SH3BGRL3: variants seen among roughly 807,000 people sequenced by gnomAD.
The protein encoded by SH3BGRL3 is SH3 domain-binding glutamic acid-rich-like protein 3.
Under a neutral mutation model 11.9 loss-of-function variants are expected in SH3BGRL3, and 8 were observed. That is an observed-to-expected ratio of 0.67 (90% CI 0.40 to 1.22). The LOEUF (loss-of-function observed/expected upper bound fraction) is 1.22, where lower values mean the gene tolerates loss of function less well. Among genes scored for constraint, SH3BGRL3 ranks in the 50% most tolerant of loss-of-function variants. SH3BGRL3 has a pLI of 0.01. For synonymous variants in SH3BGRL3, 55 were observed against 52.3 expected (o/e 1.05, Z -0.22); for missense variants, 119 against 120.1 (o/e 0.99, Z 0.04).
chr1:26,280,565 G>A (rs1570066458), intron 1 of SH3BGRL3, among the ~76,000 whole-genome samples, 200 bp from the exon 2 acceptor site: 1 of 146,454 alleles, frequency 6.8e-6, no homozygotes, highest in African/African-American at 2.6e-5. Context: ...CCTCCCCCGT[G>A]GCTGATAATC....
intron 2 of SH3BGRL3, 22 bp downstream of exon 2, chr1:26,280,954 GGT>G: frequency 6.3e-7 from 1 of 1,598,570 alleles, no homozygotes; most frequent in Non-Finnish European, 8.6e-7. Flanking sequence ...GGGACGGGGG[GGT>G]GGGGGGAGTG....
In SH3BGRL3 at chr1:26,280,857, G is replaced by A; in HGVS notation, c.141G>A (p.Arg47=). 2.5e-6 allele frequency: 4 copies of A among 1,613,852 alleles called. No individual in the cohort carries two copies. The highest frequency in any genetic ancestry group is 3.4e-6 in the Non-Finnish European group (4 of 1,179,942). Residue 47 remains arginine (R), a synonymous_variant, in exon 2 of 3, where the codon AGG becomes AGA. Transcript: ENST00000270792. The stretch of plus-strand genomic sequence containing the variant: ...ACATCTCCCAGGACAACGCCCTGAG[G>A]GATGAGATGCGAGCCTTGGCAGGCA... ...LVDISQDNAL[R]DEMRALAGNP...
rs528381922 is a variant in SH3BGRL3, at chr1:26,281,026, C to G, written c.217-32C>G. The G allele has an allele frequency of 1.9e-6, 3 of 1,612,474 alleles. No individual in the cohort carries two copies. The East Asian group carries it at 6.7e-5, about 36-fold the overall frequency. The stretch of plus-strand genomic sequence containing the variant: ...ACAAAGCACTTGGGCCCCCTGCATT[C>G]AGGTGACCACCCCTCGCCTCCCCTT... On this transcript the variant is annotated intron_variant, in intron 2 of 2. Coordinates refer to ENST00000270792, the MANE Select transcript of SH3BGRL3 (RefSeq NM_031286.4).
chr1:26,280,952 G>A lies in SH3BGRL3; in HGVS notation c.216+20G>A. ...TGTGGGGTATGGGCTGGGGGACGGGGGGGTGGGGGGAGTGTTGGAAGAGGA... is the reference window on the plus strand; with the variant it reads ...TGTGGGGTATGGGCTGGGGGACGGGAGGGTGGGGGGAGTGTTGGAAGAGGA... On this transcript the variant is annotated intron_variant, in intron 2 of 2. Transcript: ENST00000270792. 1 of 1,598,486 alleles carries A rather than the reference G, an allele frequency of 6.3e-7. No homozygotes were observed. Among genetic ancestry groups the A allele is most frequent in the Non-Finnish European group, 8.6e-7 (1 of 1,168,188 alleles).
chr1:26,280,741 C>A lies in SH3BGRL3; in HGVS notation c.49-24C>A, dbSNP rs370757450. 14 of 1,612,528 alleles carry A rather than the reference C, an allele frequency of 8.7e-6. No individual in the cohort carries two copies. The African/African-American group carries it at 1.5e-4, about 17-fold the overall frequency. On this transcript the variant is annotated intron_variant, in intron 1 of 2. Transcript: ENST00000270792. ...ATAAATCCTCCAGCCTATCCACTAA[C>A]CCCTACCCACCCTCTGTCCCCAGAT...
In SH3BGRL3 at chr1:26,280,242, G is replaced by A. The variant is rs7521736; in HGVS notation, c.48+39G>A. ...CGGACTGGCGCTGGGGGAAAGCGCA[G>A]GGCTGTATCCCGGTGCTTTGGACCC... On this transcript the variant is annotated intron_variant, in intron 1 of 2. Coordinates refer to ENST00000270792, the MANE Select transcript of SH3BGRL3 (RefSeq NM_031286.4). 257 of 1,478,954 alleles carry A rather than the reference G, an allele frequency of 1.7e-4. 5 individuals are homozygous for A. In the South Asian group the frequency reaches 1.9e-3, roughly 11 times the overall value. The allele number at this position is 1,478,954 out of a possible 1,614,324, so 91.6% of individuals were successfully genotyped here. A position where few individuals can be genotyped will look rare whatever the true frequency, so the allele number is the denominator to read the frequency against.
In SH3BGRL3 at chr1:26,280,182, G is replaced by C; in HGVS notation, c.27G>C (p.Thr9=). The part of the protein sequence containing the change: MSGLRVYS[T]SVTGSREIKS... The stretch of plus-strand genomic sequence containing the variant: ...TGAGCGGCCTGCGCGTCTACAGCAC[G>C]TCGGTCACCGGCTCCCGCGAAGTAA... Residue 9 remains threonine, a synonymous_variant, in exon 1 of 3, where the codon ACG becomes ACC. Coordinates refer to ENST00000270792, the MANE Select transcript of SH3BGRL3 (RefSeq NM_031286.4). 1 of 1,557,020 alleles carries C rather than the reference G, an allele frequency of 6.4e-7. No individual in the cohort carries two copies. Among genetic ancestry groups the C allele is most frequent in the Non-Finnish European group, 8.7e-7 (1 of 1,154,776 alleles).
In SH3BGRL3 at chr1:26,280,866, G is replaced by T. The variant is rs757440324; in HGVS notation, c.150G>T (p.Met50Ile). The T allele has an allele frequency of 1.9e-6, 3 of 1,613,862 alleles. No individual in the cohort carries two copies. The East Asian group carries it at 6.7e-5, about 36-fold the overall frequency. ...ISQDNALRDE[M>I]RALAGNPKAT... ...AGGACAACGCCCTGAGGGATGAGAT[G>T]CGAGCCTTGGCAGGCAACCCCAAGG... is the stretch of plus-strand genomic sequence containing the variant. The change falls in exon 2 of 3, where the codon ATG (methionine) becomes ATT (isoleucine). Residue 50 changes from methionine to isoleucine, a missense_variant. Met to Ile is a conservative substitution (Grantham distance 10). Coordinates refer to ENST00000270792, the MANE Select transcript of SH3BGRL3 (RefSeq NM_031286.4).
At position 26,280,111 on chromosome 1, in the gene SH3BGRL3, G is replaced by A. The variant is rs2072945824; in HGVS notation, c.-45G>A. 6.5e-7 allele frequency: 1 copy of A among 1,547,114 alleles called. No individual in the cohort carries two copies. The highest frequency in any genetic ancestry group is 1.4e-5 in the African/African-American group (1 of 72,490). ...GTCGTCTCCCGGCAGTGCAGCTGCC[G>A]CTACCGCCGCCCTCTGCCCGCCGGC... On this transcript the variant is annotated 5_prime_UTR_variant, in exon 1 of 3. Coordinates refer to ENST00000270792, the MANE Select transcript of SH3BGRL3 (RefSeq NM_031286.4).
chr1:26,280,209 T>C lies in SH3BGRL3; in HGVS notation c.48+6T>C. 2 of 1,531,918 alleles carry C rather than the reference T, an allele frequency of 1.3e-6. No individual in the cohort carries two copies. Among genetic ancestry groups the C allele is most frequent in the Non-Finnish European group, 1.7e-6 (2 of 1,143,026 alleles). 94.9% of individuals were successfully genotyped at this position (1,531,918 alleles called of 1,614,324 possible). ...CGGTCACCGGCTCCCGCGAAGTAAG[T>C]GCGCGCCCGGACTGGCGCTGGGGGA... On this transcript the variant is annotated splice_donor_region_variant and intron_variant, in intron 1 of 2. Transcript: ENST00000270792.
At chr1:26,280,492 G>C (rs2072962015) in intron 1 of SH3BGRL3, among the ~76,000 whole-genome samples, 1 of 151,410 alleles carries the variant, frequency 6.6e-6, no homozygotes, top group South Asian at 2.1e-4. Flanking sequence ...GACCACGACC[G>C]CAGCCTGCCC....
In SH3BGRL3 at chr1:26,280,919, A is replaced by G. The variant is rs762731214; in HGVS notation, c.203A>G (p.Asp68Gly). ...ACCCCACCCCAGATTGTCAACGGGG[A>G]CCAGTACTGTGGGGTATGGGCTGGG... ...KATPPQIVNG[D>G]QYCGDYELFV... Residue 68 changes from aspartate (D) to glycine (G), a missense_variant, in exon 2 of 3, where the codon GAC becomes GGC. Asp to Gly is a moderately conservative substitution (Grantham distance 94). Coordinates refer to ENST00000270792, the MANE Select transcript of SH3BGRL3 (RefSeq NM_031286.4). The G allele has an allele frequency of 2.0e-5, 29 of 1,458,188 alleles. No homozygotes were observed. The East Asian group carries it at 6.6e-4, about 33-fold the overall frequency. The allele number at this position is 1,458,188 out of a possible 1,614,324, so 90.3% of individuals were successfully genotyped here.
At position 26,280,279 on chromosome 1, in the gene SH3BGRL3, A is replaced by T. The variant is rs1020901376; in HGVS notation, c.48+76A>T. 2.6e-5 allele frequency: 37 copies of T among 1,415,188 alleles called. 1 individual carries two copies. The African/African-American group carries it at 4.8e-4, about 18-fold the overall frequency. 87.7% of individuals were successfully genotyped at this position (1,415,188 alleles called of 1,614,324 possible). A position where few individuals can be genotyped will look rare whatever the true frequency, so the allele number is the denominator to read the frequency against. ...GGTGCTTTGGACCCTAGCGCCCGGGACCCACCCCCAGGACGGGGGCGGGGT... is the reference window on the plus strand; with the variant it reads ...GGTGCTTTGGACCCTAGCGCCCGGGTCCCACCCCCAGGACGGGGGCGGGGT... On this transcript the variant is annotated intron_variant, in intron 1 of 2. Coordinates refer to ENST00000270792, the MANE Select transcript of SH3BGRL3 (RefSeq NM_031286.4).
At chr1:26,280,497 C>G (rs2072962080) in intron 1 of SH3BGRL3, among the ~76,000 whole-genome samples, 1 of 151,848 alleles carries the variant, frequency 6.6e-6, no homozygotes, top group African/African-American at 2.4e-5. Flanking sequence ...CGACCGCAGC[C>G]TGCCCTCCCC....
In SH3BGRL3 at chr1:26,281,244, T is replaced by G; in HGVS notation, c.*121T>G. 1.1e-6 allele frequency: 1 copy of G among 901,688 alleles called. No individual in the cohort carries two copies. Among genetic ancestry groups the G allele is most frequent in the Middle Eastern group, 2.5e-4 (1 of 4,060 alleles). The allele number at this position is 901,688 out of a possible 1,614,324, so 55.9% of individuals were successfully genotyped here. On this transcript the variant is annotated 3_prime_UTR_variant, in exon 3 of 3. Transcript: ENST00000270792. ...ATTCCTAACCTAACCTTAGAGTCCC[T>G]CCCCCAATGCAGGCCACTTCTCCTC...
rs191812720 is a variant in SH3BGRL3 at position 26,280,999 on chromosome 1, C to T, written c.217-59C>T. The T allele has an allele frequency of 3.7e-6, 6 of 1,609,460 alleles. No individual in the cohort carries two copies. The African/African-American group carries it at 8.0e-5, about 21-fold the overall frequency. On this transcript the variant is annotated intron_variant, in intron 2 of 2. Transcript: ENST00000270792. Reference sequence around the variant, plus strand: ...AGGACTCTAGCCAGGGTCATATCTGCCACAAAGCACTTGGGCCCCCTGCAT... The same window carrying T: ...AGGACTCTAGCCAGGGTCATATCTGTCACAAAGCACTTGGGCCCCCTGCAT...
At chr1:26,280,240 C>T (rs1006541067) in intron 1 of SH3BGRL3, 37 bp downstream of exon 1, 4 of 1,483,366 alleles carry the variant, frequency 2.7e-6, no homozygotes, top group Middle Eastern at 2.4e-4. Context: ...GGGGAAAGCG[C>T]AGGGCTGTAT....
intron 2 of SH3BGRL3, 24 bp downstream of exon 2, chr1:26,280,956 T>TGGGGGCGGGGGGGGG: frequency 1.3e-5 from 10 of 764,838 alleles, no homozygotes; most frequent in Non-Finnish European, 2.1e-5. Flanking sequence ...GACGGGGGGG[T>TGGGGGCGGGGGGGGG]GGGGGGAGTG....
chr1:26,280,949 G>A lies in SH3BGRL3; in HGVS notation c.216+17G>A, dbSNP rs140695506. ...TACTGTGGGGTATGGGCTGGGGGAC[G>A]GGGGGGTGGGGGGAGTGTTGGAAGA... On this transcript the variant is annotated intron_variant, in intron 2 of 2. Coordinates refer to ENST00000270792, the MANE Select transcript of SH3BGRL3 (RefSeq NM_031286.4). The A allele has an allele frequency of 1.1e-5, 17 of 1,585,480 alleles. No homozygotes were observed. The highest frequency in any genetic ancestry group is 3.3e-5 in the South Asian group (3 of 89,942).
Sources: allele counts gnomAD v4.1 joint callset (sites outside exome capture counted in the v4.1 genomes callset), GRCh38; gene constraint gnomAD v4.1.1; transcripts MANE v1.5; gene names NCBI Gene and HGNC (gene_info 2026-07-23, HGNC 2026-07-21).